SBF2: variants seen among roughly 807,000 people sequenced by gnomAD.
SBF2 encodes myotubularin-related protein 13.
In SBF2, 112 loss-of-function variants were observed where a neutral mutation model predicts 225.2. The observed-to-expected ratio is 0.50, with a 90% CI of 0.43 to 0.58. The LOEUF (loss-of-function observed/expected upper bound fraction) is 0.58, where lower values mean the gene tolerates loss of function less well. SBF2 is among the 20% of genes least tolerant of loss of function. SBF2 has a pLI of 0.00. For synonymous variants in SBF2, 763 were observed against 773.3 expected (o/e 0.99, Z 0.22); for missense variants, 1,996 against 2,206.2 (o/e 0.90, Z 1.91).
chr11:9,836,751 ATTGTT>A (rs1205349576), intron 26 of SBF2, among the ~76,000 whole-genome samples: 1 of 152,138 alleles, frequency 6.6e-6, no homozygotes, highest in South Asian at 2.1e-4. Context: ...GATCTTCAAT[ATTGTT>A]TTAAGTATTC....
intron 17 of SBF2, among the ~76,000 whole-genome samples, chr11:9,860,210 G>A (rs1166640053): frequency 6.7e-6 from 1 of 150,254 alleles, no homozygotes; most frequent in Non-Finnish European, 1.5e-5. Flanking sequence ...GTCCTTTACT[G>A]TAAGGACCAA....
intron 26 of SBF2, among the ~76,000 whole-genome samples, chr11:9,835,623 C>G (rs543734021): frequency 9.8e-4 from 10 of 10,216 alleles, no homozygotes; most frequent in African/African-American, 3.2e-3. Flanking sequence ...CAGAGCAAGA[C>G]CTTGTCTCAA....
intron 28 of SBF2, among the ~76,000 whole-genome samples, chr11:9,825,165 G>A (rs1326715728): frequency 6.6e-6 from 1 of 152,062 alleles, no homozygotes; most frequent in East Asian, 1.9e-4. Flanking sequence ...GGAGTAGAAT[G>A]GGCCCCTAAT....
At chr11:10,004,551 C>T (rs1025573653) in intron 6 of SBF2, among the ~76,000 whole-genome samples, 11 of 133,798 alleles carry the variant, frequency 8.2e-5, no homozygotes, top group Non-Finnish European at 1.6e-4. Flanking sequence ...CATTTTATTC[C>T]TAAGTAAGAT....
At chr11:9,872,820 A>G (rs1323136084) in intron 17 of SBF2, among the ~76,000 whole-genome samples, 1 of 152,102 alleles carries the variant, frequency 6.6e-6, no homozygotes, top group Non-Finnish European at 1.5e-5. Context: ...GTTCGAGTAA[A>G]TAATAATAAT....
intron 2 of SBF2, among the ~76,000 whole-genome samples, chr11:10,074,005 T>C (rs1342856143): frequency 2.0e-5 from 3 of 152,198 alleles, no homozygotes; most frequent in African/African-American, 7.2e-5. Context: ...TTGAATCAAA[T>C]GTAATTATCA....
chr11:10,176,637 C>A (rs2135269733), intron 2 of SBF2, among the ~76,000 whole-genome samples: 1 of 152,192 alleles, frequency 6.6e-6, no homozygotes, highest in East Asian at 1.9e-4. Context: ...CAAGACTAAA[C>A]CAGGAAGAAG....
rs562528288 is a variant in SBF2, at chr11:10,133,749, T to C, written c.141+60153A>G. On this transcript the variant is annotated intron_variant, in intron 2 of 39. Transcript: ENST00000256190. Reference sequence around the variant, plus strand: ...GGCCTTGGCCAGGCCAGAAAGGGGCTCCCACAGTGCAATGGGGGACTGAAG... The same window carrying C: ...GGCCTTGGCCAGGCCAGAAAGGGGCCCCCACAGTGCAATGGGGGACTGAAG... 5.6e-3 allele frequency among the ~76,000 whole-genome samples: 850 copies of C among 151,688 alleles called. 3 individuals carry two copies. The highest frequency in any genetic ancestry group is 0.019 in the African/African-American group (798 of 41,424).
At chr11:10,256,595 C>G (rs1960887023) in intron 1 of SBF2, among the ~76,000 whole-genome samples, 1 of 152,228 alleles carries the variant, frequency 6.6e-6, no homozygotes, top group African/African-American at 2.4e-5. Context: ...GTAGCTTCCA[C>G]TAAGAGCACT....
At chr11:10,281,944 G>C (rs1225272355) in intron 1 of SBF2, among the ~76,000 whole-genome samples, 2 of 152,046 alleles carry the variant, frequency 1.3e-5, no homozygotes, top group East Asian at 3.9e-4. Flanking sequence ...TTTTCAACAA[G>C]CCATGAGTTG....
At position 9,856,984 on chromosome 11, in the gene SBF2, T is replaced by C. The variant is rs559633910; in HGVS notation, c.2101-264A>G. On this transcript the variant is annotated intron_variant, in intron 18 of 39. Transcript: ENST00000256190. ...TTGTATTTTTAGTAGAGACGGGGTT[T>C]CACCATGTTAGCCAGGATGGTCTCG... Among the ~76,000 whole-genome samples, 4 of 152,234 alleles carry C rather than the reference T, an allele frequency of 2.6e-5. No individual in the cohort carries two copies. The East Asian group carries it at 5.8e-4, about 22-fold the overall frequency.
chr11:10,223,425 A>G (rs1241859388), intron 1 of SBF2, among the ~76,000 whole-genome samples: 1 of 120,746 alleles, frequency 8.3e-6, no homozygotes, highest in African/African-American at 2.8e-5. Context: ...ATATATATAT[A>G]TATATATATA....
At chr11:10,245,176 A>G (rs1269600577) in intron 1 of SBF2, among the ~76,000 whole-genome samples, 1 of 151,720 alleles carries the variant, frequency 6.6e-6, no homozygotes. Flanking sequence ...AACTAATTAG[A>G]TATTTATCCA....
chr11:9,997,650 C>T (rs1057123071), intron 9 of SBF2, among the ~76,000 whole-genome samples: 8 of 152,072 alleles, frequency 5.3e-5, no homozygotes, highest in South Asian at 2.1e-4. Context: ...TGGTGGCGGG[C>T]GCCTGCAGTC....
intron 36 of SBF2, 122 bp from the exon 37 acceptor site, chr11:9,785,440 C>CA (rs1297375446): frequency 1.3e-6 from 1 of 790,932 alleles, no homozygotes; most frequent in East Asian, 2.6e-5. Context: ...CAATAATGTA[C>CA]AAAGGTATCA....
chr11:10,114,574 T>G (rs965476427), intron 2 of SBF2, among the ~76,000 whole-genome samples: 38 of 152,358 alleles, frequency 2.5e-4, no homozygotes, highest in African/African-American at 8.9e-4. Context: ...TAGTAAGAAC[T>G]ACACAGTGGC....
At chr11:9,853,992 A>G (rs923186324) in intron 19 of SBF2, among the ~76,000 whole-genome samples, 2 of 152,180 alleles carry the variant, frequency 1.3e-5, no homozygotes, top group Admixed American at 6.5e-5. Flanking sequence ...CACTCTCCCA[A>G]AAGGAATGCA....
At chr11:10,103,876 G>C (rs1018069502) in intron 2 of SBF2, among the ~76,000 whole-genome samples, 3 of 152,118 alleles carry the variant, frequency 2.0e-5, no homozygotes, top group Admixed American at 2.0e-4. Flanking sequence ...AGCCGAGATA[G>C]CTGAGACCAG....
At chr11:9,921,219 C>A (rs546442356) in intron 16 of SBF2, among the ~76,000 whole-genome samples, 1 of 151,898 alleles carries the variant, frequency 6.6e-6, no homozygotes. Flanking sequence ...TACAGGCATA[C>A]GCCACCATGC....
Sources: allele counts gnomAD v4.1 joint callset (sites outside exome capture counted in the v4.1 genomes callset), GRCh38; gene constraint gnomAD v4.1.1; transcripts MANE v1.5; gene names NCBI Gene and HGNC (gene_info 2026-07-23, HGNC 2026-07-21).